Variants in SNTG1 observed in about 807,000 individuals in gnomAD.
The protein encoded by SNTG1 is gamma-1-syntrophin.
In SNTG1, 39 loss-of-function variants were observed where a neutral mutation model predicts 74.7. That is an observed-to-expected ratio of 0.52 (90% CI 0.40 to 0.68). The LOEUF is 0.68. Ranked by LOEUF, SNTG1 falls within the 30% of genes least tolerant of loss-of-function variation. The pLI, the probability that SNTG1 is intolerant of heterozygous loss-of-function variation, is 0.00. For missense variants in SNTG1, 685 were observed against 609.5 expected, an observed-to-expected ratio of 1.12 and a Z score of -1.30; for synonymous variants, 254 against 217.1, an observed-to-expected ratio of 1.17 and a Z score of -1.49.
intron 1 of SNTG1, among the ~76,000 whole-genome samples, chr8:49,946,900 T>C (rs1190138019): frequency 6.6e-6 from 1 of 152,192 alleles, no homozygotes; most frequent in Non-Finnish European, 1.5e-5. Flanking sequence ...TCCCCAAATA[T>C]TCATATTTTC....
At chr8:50,507,860 G>T (rs548998157) in intron 9 of SNTG1, among the ~76,000 whole-genome samples, 1 of 148,280 alleles carries the variant, frequency 6.7e-6, no homozygotes, top group Admixed American at 6.8e-5. Flanking sequence ...ACAAGCCCTG[G>T]TGTGTGATGT....
At position 50,793,451 on chromosome 8, in the gene SNTG1, T is replaced by C. The variant is rs1266489501; in HGVS notation, c.*622T>C. 2 of 151,984 alleles carry C rather than the reference T, an allele frequency of 1.3e-5. No individual in the cohort carries two copies. Among genetic ancestry groups the C allele is most frequent in the African/African-American group, 2.4e-5 (1 of 41,436 alleles). 9.4% of individuals were successfully genotyped at this position (151,984 alleles called of 1,614,324 possible). A position where few individuals can be genotyped will look rare whatever the true frequency, so the allele number is the denominator to read the frequency against. On this transcript the variant is annotated 3_prime_UTR_variant, in exon 19 of 19. Transcript: ENST00000642720. Reference sequence around the variant, plus strand: ...GAAGAACTTCCAAAGGATAATTACATTGACCCATGATAGATACAATGTGAA... The same window carrying C: ...GAAGAACTTCCAAAGGATAATTACACTGACCCATGATAGATACAATGTGAA...
intron 2 of SNTG1, among the ~76,000 whole-genome samples, chr8:50,237,011 C>T (rs2085938390): frequency 6.6e-6 from 1 of 152,120 alleles, no homozygotes. Context: ...CAAACAAGTA[C>T]TTAGTATTTG....
At chr8:50,430,709 A>G (rs1469396382) in intron 4 of SNTG1, among the ~76,000 whole-genome samples, 2 of 152,180 alleles carry the variant, frequency 1.3e-5, no homozygotes, top group East Asian at 1.9e-4. Context: ...TACTCCTCAG[A>G]TCCAGGGCTT....
At chr8:50,298,241 A>G (rs1294572968) in intron 2 of SNTG1, among the ~76,000 whole-genome samples, 2 of 152,110 alleles carry the variant, frequency 1.3e-5, no homozygotes, top group African/African-American at 4.8e-5. Flanking sequence ...CTGCCTAAGT[A>G]TTTATATTTC....
At chr8:50,502,411 G>A (rs2093968364) in intron 8 of SNTG1, among the ~76,000 whole-genome samples, 1 of 152,036 alleles carries the variant, frequency 6.6e-6, no homozygotes, top group Admixed American at 6.6e-5. Flanking sequence ...GTGCAAAATA[G>A]GTGCTCAACA....
intron 1 of SNTG1, among the ~76,000 whole-genome samples, chr8:50,000,055 C>A (rs10957737): frequency 0.52 from 79,083 of 151,944 alleles, 24,040 homozygotes; most frequent in East Asian, 0.8. Flanking sequence ...TTGGTAAGGC[C>A]AAGAGAAAGT....
At chr8:50,280,316 G>C (rs1024123500) in intron 2 of SNTG1, among the ~76,000 whole-genome samples, 3 of 152,170 alleles carry the variant, frequency 2.0e-5, no homozygotes, top group South Asian at 2.1e-4. Context: ...TGCATTTGGA[G>C]GACAGTCAGT....
At chr8:50,182,379 A>T (rs976827110) in intron 2 of SNTG1, among the ~76,000 whole-genome samples, 1 of 152,192 alleles carries the variant, frequency 6.6e-6, no homozygotes, top group African/African-American at 2.4e-5. Context: ...ACTAATCCAA[A>T]TATTTTTATG....
At chr8:50,734,802 T>TATATAGATATCTATATATATGGAC (rs2095522412) in intron 17 of SNTG1, among the ~76,000 whole-genome samples, 4 of 87,844 alleles carry the variant, frequency 4.6e-5, no homozygotes, top group African/African-American at 1.3e-4. Flanking sequence ...TATGGACATA[T>TATATAGATATCTATATATATGGAC]ATATAGATAT....
At chr8:50,268,851 G>A (rs1384386698) in intron 2 of SNTG1, among the ~76,000 whole-genome samples, 1 of 151,856 alleles carries the variant, frequency 6.6e-6, no homozygotes, top group East Asian at 1.9e-4. Flanking sequence ...TAGAGAAGAG[G>A]TTTTGCTATG....
At chr8:50,539,044 GT>G (rs1382522690) in intron 11 of SNTG1, among the ~76,000 whole-genome samples, 1 of 151,752 alleles carries the variant, frequency 6.6e-6, no homozygotes, top group Non-Finnish European at 1.5e-5. Flanking sequence ...CTTTTTTGAA[GT>G]TTTTAAAAAT....
Position 49,916,962 on chromosome 8 carries a change from C to T in SNTG1, c.-103+4731C>T, listed in dbSNP as rs140563006. On this transcript the variant is annotated intron_variant, in intron 1 of 18. Transcript: ENST00000642720. Reference sequence around the variant, plus strand: ...ATCACTTGAGCCCAGCAGTTTGAGGCTGCAGTGAGATATAATCACATCACT... The same window carrying T: ...ATCACTTGAGCCCAGCAGTTTGAGGTTGCAGTGAGATATAATCACATCACT... Among the ~76,000 whole-genome samples, 1,188 of 152,040 alleles carry T rather than the reference C, an allele frequency of 7.8e-3. 16 individuals are homozygous for T. The highest frequency in any genetic ancestry group is 0.028 in the African/African-American group (1,153 of 41,496).
chr8:50,189,665 C>T (rs1465175892), intron 2 of SNTG1, among the ~76,000 whole-genome samples: 2 of 152,132 alleles, frequency 1.3e-5, no homozygotes, highest in African/African-American at 4.8e-5. Flanking sequence ...TGCTGTAAGA[C>T]CACACAGACC....
Position 50,122,071 on chromosome 8 carries a change from C to G in SNTG1, c.-102-50490C>G, listed in dbSNP as rs541541131. Among the ~76,000 whole-genome samples the G allele has an allele frequency of 2.8e-5, 4 of 140,828 alleles. 1 individual carries two copies. The South Asian group carries it at 1.1e-3, about 38-fold the overall frequency. The allele number at this position is 140,828 out of a possible 152,430, so 92.4% of individuals were successfully genotyped here. ...CCTGCTCCTCAGCACCATGTCCAAC[C>G]CTCGATGCCCCCTGCCTTGGTTTAG... On this transcript the variant is annotated intron_variant, in intron 1 of 18. Coordinates refer to ENST00000642720, the MANE Select transcript of SNTG1 (RefSeq NM_018967.5).
At chr8:50,480,080 T>A (rs1306259523) in intron 8 of SNTG1, among the ~76,000 whole-genome samples, 1 of 152,138 alleles carries the variant, frequency 6.6e-6, no homozygotes, top group Non-Finnish European at 1.5e-5. Context: ...ATGTCAAACA[T>A]CTTGAAATAT....
intron 1 of SNTG1, among the ~76,000 whole-genome samples, chr8:49,990,470 A>G (rs1813572231): frequency 6.6e-6 from 1 of 152,054 alleles, no homozygotes; most frequent in African/African-American, 2.4e-5. Flanking sequence ...AGAATAACCA[A>G]AAAAATCCCC....
chr8:49,941,868 T>A (rs1350766597), intron 1 of SNTG1, among the ~76,000 whole-genome samples: 3 of 152,228 alleles, frequency 2.0e-5, no homozygotes, highest in Non-Finnish European at 4.4e-5. Flanking sequence ...GTTTATTTAC[T>A]TGTTTTTAGA....
intron 2 of SNTG1, among the ~76,000 whole-genome samples, chr8:50,351,627 A>G (rs961482580): frequency 1.3e-5 from 2 of 149,540 alleles, no homozygotes; most frequent in African/African-American, 5.1e-5. Context: ...AAAAAACTGA[A>G]GAGAAAATAG....
Sources: allele counts gnomAD v4.1 joint callset (sites outside exome capture counted in the v4.1 genomes callset), GRCh38; gene constraint gnomAD v4.1.1; transcripts MANE v1.5; gene names NCBI Gene and HGNC (gene_info 2026-07-23, HGNC 2026-07-21).